Variants in WDR72 observed in about 807,000 individuals in gnomAD.
WDR72 encodes the protein WD repeat domain 72.
WDR72 carries 120 observed loss-of-function variants against 124.2 expected under a neutral mutation model. The ratio of observed to expected loss-of-function variants is 0.97; its 90% CI spans 0.83 to 1.12. The LOEUF is 1.12. Ranked by LOEUF, WDR72 falls within the 50% of genes most tolerant of loss-of-function variation. The pLI, the probability that WDR72 is intolerant of heterozygous loss-of-function variation, is 0.00. For synonymous variants in WDR72, 452 were observed against 441.7 expected (o/e 1.02, Z -0.29); for missense variants, 1,387 against 1,278.8 (o/e 1.08, Z -1.29).
intron 1 of WDR72, among the ~76,000 whole-genome samples, chr15:53,739,784 T>C (rs2459382): frequency 0.99 from 151,496 of 152,304 alleles, 75,350 homozygotes; most frequent in Middle Eastern, 1. Context: ...TGTGCTTAGC[T>C]AAGAATTAAA....
At chr15:53,736,104 A>G (rs2018346366) in intron 1 of WDR72, among the ~76,000 whole-genome samples, 1 of 152,176 alleles carries the variant, frequency 6.6e-6, no homozygotes, top group Non-Finnish European at 1.5e-5. Flanking sequence ...AAGATAAATC[A>G]GAGATGTTAA....
At chr15:53,549,291 C>T (rs1459721984) in intron 18 of WDR72, among the ~76,000 whole-genome samples, 2 of 152,166 alleles carry the variant, frequency 1.3e-5, no homozygotes, top group Non-Finnish European at 2.9e-5. Flanking sequence ...GGCTGATACA[C>T]AGTTCTTTTG....
At chr15:53,733,956 T>C (rs2018276971) in intron 1 of WDR72, among the ~76,000 whole-genome samples, 1 of 152,186 alleles carries the variant, frequency 6.6e-6, no homozygotes, top group Non-Finnish European at 1.5e-5. Flanking sequence ...GCATTATATA[T>C]TTAATCCCAT....
chr15:53,668,926 A>AAGG (rs1165542245), intron 13 of WDR72, among the ~76,000 whole-genome samples: 11 of 67,338 alleles, frequency 1.6e-4, no homozygotes, highest in African/African-American at 2.3e-4. Context: ...AAAAAAGAGG[A>AAGG]AGGAGGAGGA....
chr15:53,625,409 G>C (rs1487451809), intron 14 of WDR72, among the ~76,000 whole-genome samples: 1 of 152,174 alleles, frequency 6.6e-6, no homozygotes. Context: ...TGAAATCCCA[G>C]GTTGAGAAAA....
rs923550651 is a variant in WDR72 at position 53,596,958 on chromosome 15, T to C, written c.3148+121A>G. ...ATCATAAGTCAAGGAGACTAGTGAA[T>C]GTCTATCACTTGTGCACCATGATAT... is the stretch of plus-strand genomic sequence containing the variant. On this transcript the variant is annotated intron_variant, in intron 18 of 19. Transcript: ENST00000360509. The C allele has an allele frequency of 6.4e-6, 6 of 934,580 alleles. No homozygotes were observed. The African/African-American group carries it at 9.7e-5, about 15-fold the overall frequency. The allele number at this position is 934,580 out of a possible 1,614,324, so 57.9% of individuals were successfully genotyped here.
chr15:53,736,829 C>T (rs1002003807), intron 1 of WDR72, among the ~76,000 whole-genome samples: 2 of 152,014 alleles, frequency 1.3e-5, no homozygotes, highest in African/African-American at 2.4e-5. Flanking sequence ...AAATTGGTTA[C>T]ATAACAGACT....
chr15:53,747,672 G>A (rs886894739), intron 1 of WDR72, among the ~76,000 whole-genome samples: 6 of 152,174 alleles, frequency 3.9e-5, no homozygotes, highest in African/African-American at 1.4e-4. Flanking sequence ...TTTTCACAGA[G>A]TATTGCCTTC....
chr15:53,702,925 G>C lies in WDR72; in HGVS notation c.1349-571C>G, dbSNP rs182173035. On this transcript the variant is annotated intron_variant, in intron 11 of 19. Transcript: ENST00000360509. The stretch of plus-strand genomic sequence containing the variant: ...TCATTTTTTTTTTTTTTTGAGACAG[G>C]GTCTCACTCTGTTGACCAGGCTAGA... Among the ~76,000 whole-genome samples, 112 of 149,738 alleles carry C rather than the reference G, an allele frequency of 7.5e-4. 2 individuals are homozygous for C. The highest frequency in any genetic ancestry group is 2.7e-3 in the African/African-American group (110 of 40,638).
chr15:53,734,885 T>G (rs2018306897), intron 1 of WDR72, among the ~76,000 whole-genome samples: 1 of 151,800 alleles, frequency 6.6e-6, no homozygotes, highest in South Asian at 2.1e-4. Context: ...TTATGTATAA[T>G]ACTTTTATAA....
rs775185617 is a variant in WDR72 at position 53,615,562 on chromosome 15, C to T, written c.2644G>A (p.Val882Ile). The T allele has an allele frequency of 6.2e-7, 1 of 1,613,046 alleles. No homozygotes were observed. Among genetic ancestry groups the T allele is most frequent in the Non-Finnish European group, 8.5e-7 (1 of 1,179,462 alleles). ...DKYTATLPNQVGIPRGLENNC... is the reference protein window; with the variant it reads ...DKYTATLPNQIGIPRGLENNC... The stretch of plus-strand genomic sequence containing the variant: ...TTTTCCAATCCTCTTGGAATTCCAA[C>T]CTGATTTGGAAGAGTGGCTGTGTAT... Residue 882 changes from valine to isoleucine, a missense_variant, in exon 15 of 20, where the codon GTT (valine) becomes ATT (isoleucine). Transcript: ENST00000360509.
At chr15:53,570,996 T>C (rs1894506167) in intron 18 of WDR72, among the ~76,000 whole-genome samples, 1 of 152,088 alleles carries the variant, frequency 6.6e-6, no homozygotes, top group Non-Finnish European at 1.5e-5. Flanking sequence ...AAATACCGAA[T>C]ATTCTCACTT....
chr15:53,695,330 A>G lies in WDR72; in HGVS notation c.1765+4420T>C, dbSNP rs955146611. Among the ~76,000 whole-genome samples, 3 of 152,232 alleles carry G rather than the reference A, an allele frequency of 2.0e-5. No homozygotes were observed. In the East Asian group the frequency reaches 5.8e-4, roughly 29 times the overall value. ...AGTACTCAGAATTATTTTAAATTCAATTCTTAAAAGAATAATTAGCTCAGA... is the reference window on the plus strand; with the variant it reads ...AGTACTCAGAATTATTTTAAATTCAGTTCTTAAAAGAATAATTAGCTCAGA... On this transcript the variant is annotated intron_variant, in intron 13 of 19. Coordinates refer to ENST00000360509, the MANE Select transcript of WDR72 (RefSeq NM_182758.4).
At chr15:53,610,654 G>A (rs995090253) in intron 16 of WDR72, among the ~76,000 whole-genome samples, 4 of 151,938 alleles carry the variant, frequency 2.6e-5, no homozygotes, top group African/African-American at 9.7e-5. Context: ...AATGCAATTT[G>A]AGAACATAAA....
chr15:53,558,304 C>T (rs1407508760), intron 18 of WDR72, among the ~76,000 whole-genome samples: 1 of 152,076 alleles, frequency 6.6e-6, no homozygotes, highest in East Asian at 1.9e-4. Flanking sequence ...CTCGTCCTAT[C>T]ACCTGGCAGA....
In WDR72 at chr15:53,705,982, A is replaced by G; in HGVS notation, c.1047T>C (p.Ile349=). 1 of 1,614,112 alleles carries G rather than the reference A, an allele frequency of 6.2e-7. No individual in the cohort carries two copies. Residue 349 remains isoleucine (I), a synonymous_variant, in exon 10 of 20, where the codon ATT becomes ATC. Transcript: ENST00000360509. ...GAACATCAGGGATGTGCCACAAAGT[A>G]ATTCTTCCTGAGACTTCTCCAGAGA... The part of the protein sequence containing the change: ...VLFSGEVSGR[I]TLWHIPDVPV...
At chr15:53,726,554 G>A (rs940959381) in intron 2 of WDR72, among the ~76,000 whole-genome samples, 2 of 151,732 alleles carry the variant, frequency 1.3e-5, no homozygotes, top group Admixed American at 6.6e-5. Context: ...TTAAAATATC[G>A]ATGCTGGCCA....
chr15:53,583,059 C>A (rs538859045), intron 18 of WDR72, among the ~76,000 whole-genome samples: 1 of 151,724 alleles, frequency 6.6e-6, no homozygotes, highest in Non-Finnish European at 1.5e-5. Context: ...CTACATAATG[C>A]CTCATGAAAT....
At chr15:53,623,498 CACAT>C (rs201599748) in intron 14 of WDR72, among the ~76,000 whole-genome samples, 1,965 of 145,082 alleles carry the variant, frequency 0.014, 41 homozygotes, top group African/African-American at 0.052. Flanking sequence ...TATATATACA[CACAT>C]ACACATACAC....
Sources: gnomAD v4.1 joint callset for allele counts (sites outside exome capture counted in the v4.1 genomes callset) on GRCh38, gnomAD v4.1.1 for gene constraint, MANE v1.5 for transcripts, NCBI Gene and HGNC (gene_info 2026-07-23, HGNC 2026-07-21) for gene names.